The following HECW2 variants were observed in gnomAD, a reference collection of about 807,000 sequenced individuals.
HECW2 encodes HECT, C2 and WW domain containing E3 ubiquitin protein ligase 2, also known as E3 ubiquitin-protein ligase HECW2.
A neutral mutation model predicts 175.2 loss-of-function variants in HECW2; 61 were observed. The ratio of observed to expected loss-of-function variants is 0.35; its 90% CI spans 0.28 to 0.43. The LOEUF is 0.43. Ranked by LOEUF, HECW2 falls within the 20% of genes least tolerant of loss-of-function variation. The pLI is 1.00. For synonymous variants in HECW2, 671 were observed against 731.0 expected (o/e 0.92, Z 1.32); for missense variants, 1,524 against 2,000.5 (o/e 0.76, Z 4.54).
At chr2:196,297,236 A>G (rs534237249) in intron 13 of HECW2, among the ~76,000 whole-genome samples, 10 of 152,328 alleles carry the variant, frequency 6.6e-5, no homozygotes, top group African/African-American at 1.9e-4. Context: ...CTTTTTAGTT[A>G]TTCCTTCTCA....
chr2:196,480,091 C>G (rs1232882893), intron 1 of HECW2, among the ~76,000 whole-genome samples: 1 of 152,120 alleles, frequency 6.6e-6, no homozygotes, highest in African/African-American at 2.4e-5. Context: ...TCTTCCCCAA[C>G]CAGGTTCCAA....
intron 5 of HECW2, among the ~76,000 whole-genome samples, chr2:196,329,080 C>T (rs554080128): frequency 6.6e-6 from 1 of 151,994 alleles, no homozygotes; most frequent in Non-Finnish European, 1.5e-5. Flanking sequence ...CTTGAAAAGC[C>T]GTGCTTTACT....
intron 2 of HECW2, among the ~76,000 whole-genome samples, chr2:196,422,178 G>C (rs1695424396): frequency 6.6e-6 from 1 of 152,130 alleles, no homozygotes; most frequent in Non-Finnish European, 1.5e-5. Flanking sequence ...TTCTTGCAGT[G>C]ACCATACAAG....
chr2:196,522,564 C>T (rs1417367730), intron 1 of HECW2, among the ~76,000 whole-genome samples: 1 of 151,952 alleles, frequency 6.6e-6, no homozygotes, highest in African/African-American at 2.4e-5. Context: ...ATGCCTATGT[C>T]CTGAATGGTA....
chr2:196,531,531 G>A (rs1214985248), intron 1 of HECW2, among the ~76,000 whole-genome samples: 2 of 151,838 alleles, frequency 1.3e-5, no homozygotes, highest in Non-Finnish European at 2.9e-5. Flanking sequence ...GCATGGTGAT[G>A]GGCACCGGTA....
chr2:196,253,816 G>A lies in HECW2; in HGVS notation c.3529+104C>T, dbSNP rs933892761. 4 of 1,020,078 alleles carry A rather than the reference G, an allele frequency of 3.9e-6. No homozygotes were observed. In the African/African-American group the frequency reaches 4.7e-5, roughly 12 times the overall value. The allele number at this position is 1,020,078 out of a possible 1,614,324, so 63.2% of individuals were successfully genotyped here. A position where few individuals can be genotyped will look rare whatever the true frequency, so the allele number is the denominator to read the frequency against. On this transcript the variant is annotated intron_variant, in intron 19 of 28. Coordinates refer to ENST00000644978, the MANE Select transcript of HECW2 (RefSeq NM_001348768.2). ...GTGTATCTGTGCTAACACCAAAGAT[G>A]TACCTGAAGTGTTCCCTTACTGTTC...
chr2:196,273,179 T>C (rs145328316), intron 16 of HECW2, among the ~76,000 whole-genome samples: 4,514 of 151,466 alleles, frequency 0.03, 145 homozygotes, highest in South Asian at 0.11. Context: ...GTGATTCTCC[T>C]GTCTCAGCCT....
intron 8 of HECW2, 34 bp downstream of exon 8, chr2:196,320,305 G>A (rs1469113699): frequency 1.6e-6 from 2 of 1,259,734 alleles, no homozygotes; most frequent in African/African-American, 1.5e-5. Flanking sequence ...TTTTCCTATA[G>A]CAATGTATTC....
At chr2:196,519,075 T>A (rs115486924) in intron 1 of HECW2, among the ~76,000 whole-genome samples, 175 of 152,300 alleles carry the variant, frequency 1.1e-3, no homozygotes, top group African/African-American at 3.9e-3. Flanking sequence ...ATAGCTAGCA[T>A]ATGTGTAAGT....
intron 15 of HECW2, 41 bp from the exon 16 acceptor site, chr2:196,274,164 A>G (rs1261976629): frequency 4.1e-6 from 6 of 1,459,048 alleles, no homozygotes; most frequent in Non-Finnish European, 3.8e-6. Context: ...ACCAAGAGCC[A>G]GAATGCTCTA....
chr2:196,472,675 G>A (rs1342606845), intron 1 of HECW2, among the ~76,000 whole-genome samples: 1 of 151,626 alleles, frequency 6.6e-6, no homozygotes, highest in Non-Finnish European at 1.5e-5. Context: ...AGGCTGGAGT[G>A]CAATGGCGCG....
At chr2:196,569,627 A>G (rs888571039) in intron 1 of HECW2, among the ~76,000 whole-genome samples, 6 of 152,178 alleles carry the variant, frequency 3.9e-5, no homozygotes, top group African/African-American at 1.4e-4. Context: ...GGGACCCTCT[A>G]TCTGAGACTT....
chr2:196,195,172 G>C lies in HECW2; in HGVS notation c.*6105C>G, dbSNP rs1686646399. On this transcript the variant is annotated 3_prime_UTR_variant, in exon 29 of 29. Coordinates refer to ENST00000644978, the MANE Select transcript of HECW2 (RefSeq NM_001348768.2). ...GGGTCCTAAAAGAACATCCCATTCT[G>C]TGTTAATTCCTGGTTAATCCTTCCA... is the stretch of plus-strand genomic sequence containing the variant. 1 of 152,150 alleles carries C rather than the reference G, an allele frequency of 6.6e-6. No homozygotes were observed. 9.4% of individuals were successfully genotyped at this position (152,150 alleles called of 1,614,324 possible).
chr2:196,222,815 AT>A (rs1224138218), intron 23 of HECW2, among the ~76,000 whole-genome samples: 2 of 151,792 alleles, frequency 1.3e-5, no homozygotes, highest in African/African-American at 4.8e-5. Context: ...TTTAATATTT[AT>A]TTTATTTTAT....
chr2:196,406,604 A>T (rs1361726492), intron 2 of HECW2, among the ~76,000 whole-genome samples: 1 of 152,144 alleles, frequency 6.6e-6, no homozygotes, highest in African/African-American at 2.4e-5. Flanking sequence ...CAAACTCCTT[A>T]TGTTGGTTGA....
At chr2:196,498,231 CAT>C (rs1181551472) in intron 1 of HECW2, among the ~76,000 whole-genome samples, 2 of 152,114 alleles carry the variant, frequency 1.3e-5, no homozygotes, top group Non-Finnish European at 2.9e-5. Context: ...GTTTTTTTCA[CAT>C]AATATTATAA....
intron 17 of HECW2, among the ~76,000 whole-genome samples, chr2:196,259,012 C>G (rs367737385): frequency 7.9e-5 from 12 of 152,202 alleles, no homozygotes; most frequent in Admixed American, 7.9e-4. Context: ...CTTACTCTGT[C>G]GTCCAGGCCA....
chr2:196,238,151 C>T (rs1168188738), intron 21 of HECW2, among the ~76,000 whole-genome samples: 2 of 152,196 alleles, frequency 1.3e-5, no homozygotes, highest in Admixed American at 1.3e-4. Context: ...ATCACTTGAA[C>T]CCAGGAGGCG....
intron 1 of HECW2, among the ~76,000 whole-genome samples, chr2:196,448,051 T>G (rs1381687520): frequency 6.6e-6 from 1 of 152,210 alleles, no homozygotes; most frequent in Non-Finnish European, 1.5e-5. Flanking sequence ...AGAGGGAGAC[T>G]TCATCTCAAA....
Sources: gnomAD v4.1 joint callset for allele counts (sites outside exome capture counted in the v4.1 genomes callset) on GRCh38, gnomAD v4.1.1 for gene constraint, MANE v1.5 for transcripts, NCBI Gene and HGNC (gene_info 2026-07-23, HGNC 2026-07-21) for gene names.